The following ATPAF1 variants were observed in gnomAD, a reference collection of about 807,000 sequenced individuals.
ATPAF1 encodes the protein ATP synthase mitochondrial F1 complex assembly factor 1.
ATPAF1 carries 26 observed loss-of-function variants against 43.9 expected under a neutral mutation model. The ratio of observed to expected loss-of-function variants is 0.59; its 90% CI spans 0.43 to 0.82. ATPAF1 has a LOEUF of 0.82. Ranked by LOEUF, ATPAF1 falls within the 40% of genes least tolerant of loss-of-function variation. The pLI, the probability that ATPAF1 is intolerant of heterozygous loss-of-function variation, is 0.00. For synonymous variants in ATPAF1, 157 were observed against 168.0 expected, an observed-to-expected ratio of 0.93 and a Z score of 0.50; for missense variants, 366 against 435.0, an observed-to-expected ratio of 0.84 and a Z score of 1.41.
At chr1:46,662,680 A>T (rs1440267417) in intron 2 of ATPAF1, among the ~76,000 whole-genome samples, 1 of 151,074 alleles carries the variant, frequency 6.6e-6, no homozygotes, top group Non-Finnish European at 1.5e-5. Context: ...GCCCACCTCA[A>T]CCTCCCAAAG....
At chr1:46,666,291 C>T (rs989612736) in intron 1 of ATPAF1, 3 of 156,366 alleles carry the variant, frequency 1.9e-5, no homozygotes, top group Non-Finnish European at 4.2e-5. Flanking sequence ...AGAGCCTCAC[C>T]AGGGGTTTCT....
chr1:46,635,816 C>T, exon 9 of ATPAF1: 3 of 1,614,190 alleles, frequency 1.9e-6, no homozygotes, highest in Non-Finnish European at 2.5e-6. Flanking sequence ...CAGTTCTGCT[C>T]CAAGTCCGCT....
intron 8 of ATPAF1, among the ~76,000 whole-genome samples, chr1:46,639,935 C>T (rs576069223): frequency 3.2e-4 from 49 of 152,292 alleles, no homozygotes; most frequent in Non-Finnish European, 3.5e-4. Context: ...GAATGGGCCT[C>T]CTCTGACCTT....
At chr1:46,662,957 A>G (rs996232354) in intron 2 of ATPAF1, among the ~76,000 whole-genome samples, 1 of 150,312 alleles carries the variant, frequency 6.7e-6, no homozygotes, top group Non-Finnish European at 1.5e-5. Flanking sequence ...AACAGGCCCC[A>G]GTGTGTGATG....
intron 2 of ATPAF1, among the ~76,000 whole-genome samples, chr1:46,661,620 A>G (rs1569635260): frequency 6.6e-6 from 1 of 152,298 alleles, no homozygotes; most frequent in East Asian, 1.9e-4. Flanking sequence ...CAGGTAGGTT[A>G]TATTTTTACA....
Position 46,658,683 on chromosome 1 carries a change from C to T in ATPAF1, c.426+4G>A. On this transcript the variant is annotated splice_donor_region_variant and intron_variant, in intron 3 of 8. Transcript: ENST00000574428. Reference sequence around the variant, plus strand: ...TTTTTTCCTATATTTAATTAGAAACCTACCTTGTCCTTAGTGAATCCTCTG... The same window carrying T: ...TTTTTTCCTATATTTAATTAGAAACTTACCTTGTCCTTAGTGAATCCTCTG... 6.3e-7 allele frequency: 1 copy of T among 1,590,436 alleles called. No individual in the cohort carries two copies. Among genetic ancestry groups the T allele is most frequent in the Non-Finnish European group, 8.5e-7 (1 of 1,169,820 alleles).
At chr1:46,633,274 T>G (rs1018500802), downstream of ATPAF1, 2 of 164,498 alleles carry the variant, frequency 1.2e-5, no homozygotes, top group Non-Finnish European at 2.6e-5. Context: ...TCTACACATC[T>G]GAAATGCTAA....
chr1:46,662,824 C>T (rs1053621451), intron 2 of ATPAF1, among the ~76,000 whole-genome samples: 1 of 152,044 alleles, frequency 6.6e-6, no homozygotes, highest in Non-Finnish European at 1.5e-5. Context: ...GGTACATGTA[C>T]ACAACGTGCA....
intron 2 of ATPAF1, among the ~76,000 whole-genome samples, chr1:46,660,669 G>A (rs892867418): frequency 6.6e-6 from 1 of 152,126 alleles, no homozygotes; most frequent in African/African-American, 2.4e-5. Flanking sequence ...TAAAGCAGTT[G>A]AAACTACATG....
intron 4 of ATPAF1, among the ~76,000 whole-genome samples, chr1:46,656,032 T>C (rs1676265011): frequency 6.6e-6 from 1 of 152,206 alleles, no homozygotes; most frequent in Non-Finnish European, 1.5e-5. Flanking sequence ...AAATGCTGGT[T>C]GAATGATAGA....
chr1:46,643,978 T>C (rs1265751855), intron 7 of ATPAF1, among the ~76,000 whole-genome samples: 1 of 152,228 alleles, frequency 6.6e-6, no homozygotes, highest in Non-Finnish European at 1.5e-5. Flanking sequence ...ACTTTATCTC[T>C]AAAATTTCAG....
intron 8 of ATPAF1, among the ~76,000 whole-genome samples, chr1:46,641,124 C>CTGGA (rs1458225280): frequency 6.6e-6 from 1 of 152,118 alleles, no homozygotes; most frequent in Non-Finnish European, 1.5e-5. Flanking sequence ...GTCGCTCAGG[C>CTGGA]TGGAGTGCAA....
rs780825834 is a variant in ATPAF1, at chr1:46,653,461, A to C, written c.540+356T>G. Among the ~76,000 whole-genome samples, 5 of 152,202 alleles carry C rather than the reference A, an allele frequency of 3.3e-5. No individual in the cohort carries two copies. The highest frequency in any genetic ancestry group is 4.8e-5 in the African/African-American group (2 of 41,452). On this transcript the variant is annotated intron_variant, in intron 5 of 8. Coordinates refer to ENST00000574428, the Ensembl canonical transcript of ATPAF1. The surrounding 1 kb of genome is among the most constrained non-coding windows in gnomAD (Gnocchi z 4.8). ...ATAGGTCACTTACAGGCAAGAAGGG[A>C]AAAAAGCTGTGCTAGAGGCCCTGTC...
chr1:46,635,669 T>C (rs1675823396), exon 9 of ATPAF1: 3 of 1,137,384 alleles, frequency 2.6e-6, no homozygotes, highest in South Asian at 3.1e-5. Flanking sequence ...GGCAACTCAT[T>C]ACCAACTGCT....
At chr1:46,663,896 C>T in intron 2 of ATPAF1, 1 of 1,283,874 alleles carries the variant, frequency 7.8e-7, no homozygotes. Flanking sequence ...GCTGGCCTCT[C>T]CTACACCAGT....
At chr1:46,654,528 TTTATTA>T (rs57700546) in intron 4 of ATPAF1, among the ~76,000 whole-genome samples, 205 of 135,264 alleles carry the variant, frequency 1.5e-3, no homozygotes, top group African/African-American at 4.6e-3. Context: ...TATTTATTTA[TTTATTA>T]TTATTATTAT....
chr1:46,659,670 T>C (rs1676349622), intron 2 of ATPAF1, among the ~76,000 whole-genome samples: 1 of 152,156 alleles, frequency 6.6e-6, no homozygotes, highest in Non-Finnish European at 1.5e-5. Flanking sequence ...TAGTTTCTGG[T>C]AGTAGGGATG....
chr1:46,665,326 C>T lies in ATPAF1; in HGVS notation c.305G>A (p.Arg102His), dbSNP rs766445923. Residue 102 changes from arginine to histidine, a missense_variant, in exon 2 of 9, where the codon CGC becomes CAC. This residue lies in a region of ATPAF1 where 186 missense variants were observed against 168.5 expected (regional missense o/e 1.10). Coordinates refer to ENST00000574428, the Ensembl canonical transcript of ATPAF1. ...CACTGGCTGCTTCCGAAATTCACTG[C>T]GTTTCTCCAGGCGGGACTCAAAAGC... The T allele has an allele frequency of 8.7e-6, 14 of 1,614,124 alleles. 1 individual carries two copies. The highest frequency in any genetic ancestry group is 6.6e-5 in the South Asian group (6 of 91,092).
chr1:46,654,517 T>TTATG (rs1396054916), intron 4 of ATPAF1, among the ~76,000 whole-genome samples: 1 of 110,058 alleles, frequency 9.1e-6, no homozygotes, highest in African/African-American at 4.4e-5. Flanking sequence ...ACTGGGCAAT[T>TTATG]TATTTATTTA....
Sources: allele counts gnomAD v4.1 joint callset (sites outside exome capture counted in the v4.1 genomes callset), GRCh38; gene constraint gnomAD v4.1.1; regional missense constraint gnomAD v4.1.1; non-coding constraint Gnocchi (gnomAD v3.1); transcripts MANE v1.5; gene names NCBI Gene and HGNC (gene_info 2026-07-23, HGNC 2026-07-21).